Variants in NUFIP1 observed in about 807,000 individuals in gnomAD.
NUFIP1 encodes FMR1-interacting protein NUFIP1.
Under a neutral mutation model 56.2 loss-of-function variants are expected in NUFIP1, and 38 were observed. That is an observed-to-expected ratio of 0.68 (90% CI 0.52 to 0.89). NUFIP1 has a LOEUF of 0.89. NUFIP1 is among the 40% of genes least tolerant of loss of function. The pLI is 0.00. For missense variants in NUFIP1, 567 were observed against 605.8 expected, an observed-to-expected ratio of 0.94 and a Z score of 0.67; for synonymous variants, 215 against 212.4, an observed-to-expected ratio of 1.01 and a Z score of -0.10.
In NUFIP1 at chr13:44,989,400, C is replaced by A; in HGVS notation, c.37G>T (p.Gly13Trp). 6.2e-7 allele frequency: 1 copy of A among 1,613,536 alleles called. No homozygotes were observed. Residue 13 changes from glycine (G) to tryptophan (W), a missense_variant, in exon 1 of 10, where the codon GGG (glycine) becomes TGG (tryptophan). Physicochemically the swap from Gly to Trp is radical, Grantham distance 184. Coordinates refer to ENST00000379161, the MANE Select transcript of NUFIP1 (RefSeq NM_012345.3). ...EPTSDFETPI[G>W]WHASPELTPT... ...GTCAGCTCGGGAGACGCATGCCACC[C>A]GATAGGAGTCTCGAAATCACTAGTC...
In NUFIP1 at chr13:44,939,392, A is replaced by C. The variant is rs1362810917; in HGVS notation, c.*1814T>G. On this transcript the variant is annotated 3_prime_UTR_variant, in exon 10 of 10. Transcript: ENST00000379161. ...CAGTTATAAAAGGCACAACTCACCA[A>C]TAGTCATGTAATGCTTACATTTCAG... The C allele has an allele frequency of 6.6e-6, 1 of 152,216 alleles. No homozygotes were observed. The highest frequency in any genetic ancestry group is 1.5e-5 in the Non-Finnish European group (1 of 68,030). 9.4% of individuals were successfully genotyped at this position (152,216 alleles called of 1,614,324 possible).
rs966726096 is a variant in NUFIP1, at chr13:44,940,477, T to C, written c.*729A>G. On this transcript the variant is annotated 3_prime_UTR_variant, in exon 10 of 10. Coordinates refer to ENST00000379161, the MANE Select transcript of NUFIP1 (RefSeq NM_012345.3). Reference sequence around the variant, plus strand: ...GCTGTATGTCAAAAGGACAGACCAATAGCTACAGCTAGTACAATGACTAGA... The same window carrying C: ...GCTGTATGTCAAAAGGACAGACCAACAGCTACAGCTAGTACAATGACTAGA... 16 of 152,266 alleles carry C rather than the reference T, an allele frequency of 1.1e-4. No homozygotes were observed. Among genetic ancestry groups the C allele is most frequent in the African/African-American group, 3.4e-4 (14 of 41,480 alleles). The allele number at this position is 152,266 out of a possible 1,614,324, so 9.4% of individuals were successfully genotyped here. A position where few individuals can be genotyped will look rare whatever the true frequency, so the allele number is the denominator to read the frequency against.
At chr13:44,944,756 C>G (rs1870856730) in intron 8 of NUFIP1, among the ~76,000 whole-genome samples, 1 of 151,912 alleles carries the variant, frequency 6.6e-6, no homozygotes, top group Admixed American at 6.6e-5. Flanking sequence ...AGAAAACTAG[C>G]TAGAAAACCC....
intron 5 of NUFIP1, among the ~76,000 whole-genome samples, chr13:44,975,288 C>T (rs1442655238): frequency 2.0e-5 from 3 of 152,126 alleles, no homozygotes; most frequent in Non-Finnish European, 4.4e-5. Context: ...TGGTCCAAGT[C>T]CCAATGCCTA....
At chr13:44,950,006 C>A (rs1871037349) in intron 7 of NUFIP1, among the ~76,000 whole-genome samples, 168 bp from the exon 8 acceptor site, 1 of 152,178 alleles carries the variant, frequency 6.6e-6, no homozygotes, top group Non-Finnish European at 1.5e-5. Flanking sequence ...GTTTAGACAT[C>A]TTCATGGGCC....
At chr13:44,960,132 A>G (rs1871373527) in intron 6 of NUFIP1, among the ~76,000 whole-genome samples, 1 of 152,002 alleles carries the variant, frequency 6.6e-6, no homozygotes, top group South Asian at 2.1e-4. Context: ...AGGTTTCACC[A>G]TGTTGGCCAG....
chr13:44,983,058 T>A (rs939491592), intron 1 of NUFIP1, among the ~76,000 whole-genome samples: 2 of 152,186 alleles, frequency 1.3e-5, no homozygotes, highest in Non-Finnish European at 2.9e-5. Flanking sequence ...TCTCACTATG[T>A]TGCCCAGGCT....
Position 44,949,854 on chromosome 13 carries a change from G to C in NUFIP1, c.1022-16C>G. 7.4e-7 allele frequency: 1 copy of C among 1,345,888 alleles called. No homozygotes were observed. 83.4% of individuals were successfully genotyped at this position (1,345,888 alleles called of 1,614,324 possible). The stretch of plus-strand genomic sequence containing the variant: ...TTATCAGACTCTGAAGGGAAAAGAA[G>C]TCAGATTCAAAACATCTACCACCAT... On this transcript the variant is annotated splice_polypyrimidine_tract_variant and intron_variant, in intron 7 of 9. Coordinates refer to ENST00000379161, the MANE Select transcript of NUFIP1 (RefSeq NM_012345.3).
chr13:44,976,589 G>A (rs1406473850), intron 5 of NUFIP1, among the ~76,000 whole-genome samples: 2 of 152,126 alleles, frequency 1.3e-5, no homozygotes, highest in South Asian at 2.1e-4. Flanking sequence ...GTCATGAGGA[G>A]AAAACCTTGT....
Position 44,989,360 on chromosome 13 carries a change from G to A in NUFIP1, c.77C>T (p.Pro26Leu). The change falls in exon 1 of 10, where the codon CCC (proline) becomes CTC (leucine). Residue 26 changes from proline to leucine, a missense_variant. By Grantham distance (98) the Pro-to-Leu change is moderately conservative. Coordinates refer to ENST00000379161, the MANE Select transcript of NUFIP1 (RefSeq NM_012345.3). Reference sequence around the variant, plus strand: ...CCGCGGCGGGGCAGTGTCGCTCAGGGGCCCTAACGTGGGAGTCAGCTCGGG... The same window carrying A: ...CCGCGGCGGGGCAGTGTCGCTCAGGAGCCCTAACGTGGGAGTCAGCTCGGG... ...ASPELTPTLG[P>L]LSDTAPPRDS... 1.2e-6 allele frequency: 2 copies of A among 1,613,402 alleles called. No homozygotes were observed. Among genetic ancestry groups the A allele is most frequent in the Non-Finnish European group, 1.7e-6 (2 of 1,179,866 alleles).
intron 7 of NUFIP1, 92 bp downstream of exon 7, chr13:44,959,289 T>C: frequency 1.7e-6 from 2 of 1,145,834 alleles, no homozygotes; most frequent in Non-Finnish European, 2.5e-6. Flanking sequence ...ATACATTTGA[T>C]ATTAAACTTT....
At chr13:44,970,047 G>C (rs1209137446) in intron 5 of NUFIP1, among the ~76,000 whole-genome samples, 1 of 152,162 alleles carries the variant, frequency 6.6e-6, no homozygotes, top group Non-Finnish European at 1.5e-5. Flanking sequence ...GAAATAAATT[G>C]TAAAACTACT....
At chr13:44,945,943 AG>A (rs1275259958) in intron 8 of NUFIP1, among the ~76,000 whole-genome samples, 1 of 152,132 alleles carries the variant, frequency 6.6e-6, no homozygotes, top group Non-Finnish European at 1.5e-5. Context: ...AAAGAAGTAT[AG>A]GGACAAGTGT....
chr13:44,968,763 G>A (rs1024455433), intron 5 of NUFIP1, among the ~76,000 whole-genome samples: 6 of 152,194 alleles, frequency 3.9e-5, no homozygotes, highest in African/African-American at 1.4e-4. Context: ...TGGGCTATAT[G>A]TTACATGATA....
At chr13:44,949,656 C>G (rs529665580) in intron 8 of NUFIP1, 66 bp downstream of exon 8, 1 of 891,490 alleles carries the variant, frequency 1.1e-6, no homozygotes. Context: ...GTTATTAATG[C>G]GCAGCATGCA....
intron 5 of NUFIP1, among the ~76,000 whole-genome samples, chr13:44,977,394 T>A (rs1872017516): frequency 6.6e-6 from 1 of 152,224 alleles, no homozygotes; most frequent in Non-Finnish European, 1.5e-5. Context: ...AGAGTAGAAA[T>A]CAACTACGTC....
intron 8 of NUFIP1, among the ~76,000 whole-genome samples, chr13:44,945,686 C>T (rs904320480): frequency 2.0e-5 from 3 of 151,932 alleles, no homozygotes; most frequent in Non-Finnish European, 4.4e-5. Context: ...TGACATTTCA[C>T]CATTATTAAC....
intron 1 of NUFIP1, among the ~76,000 whole-genome samples, chr13:44,986,175 G>T (rs753235197): frequency 1.3e-5 from 2 of 152,164 alleles, no homozygotes; most frequent in Non-Finnish European, 2.9e-5. Flanking sequence ...TCCTCTAATG[G>T]ATCTGAGCAA....
rs376343687 is a variant in NUFIP1 at position 44,982,636 on chromosome 13, C to T, written c.413-482G>A. On this transcript the variant is annotated intron_variant, in intron 1 of 9. Transcript: ENST00000379161. ...TATATTGTCTTCCAGTTCATAAGCC[C>T]CCTCTTCCAACAAACCTTACATACT... Among the ~76,000 whole-genome samples the T allele has an allele frequency of 2.0e-5, 3 of 152,020 alleles. No individual in the cohort carries two copies. In the South Asian group the frequency reaches 6.3e-4, roughly 32 times the overall value.
Sources: gnomAD v4.1 joint callset for allele counts (sites outside exome capture counted in the v4.1 genomes callset) on GRCh38, gnomAD v4.1.1 for gene constraint, MANE v1.5 for transcripts, NCBI Gene and HGNC (gene_info 2026-07-23, HGNC 2026-07-21) for gene names.